Variants in DHX57 observed in about 807,000 individuals in gnomAD.
The protein encoded by DHX57 is DExH-box helicase 57.
DHX57 carries 105 observed loss-of-function variants against 156.2 expected under a neutral mutation model. The ratio of observed to expected loss-of-function variants is 0.67; its 90% confidence interval spans 0.57 to 0.79. The LOEUF is 0.79. Among genes scored for constraint, DHX57 ranks in the 30% least tolerant of loss-of-function variants. The probability of loss-of-function intolerance (pLI) is 0.00; values close to 1 mark genes in which losing one functional copy is unlikely to be tolerated. For missense variants in DHX57, 1,847 were observed against 1,661.9 expected, an observed-to-expected ratio of 1.11 and a Z score of -1.94; for synonymous variants, 704 against 595.6, an observed-to-expected ratio of 1.18 and a Z score of -2.65.
intron 1 of DHX57, among the ~76,000 whole-genome samples, chr2:38,868,802 TTTTATTTATTTATTTA>T (rs35920872): frequency 6.7e-6 from 1 of 150,214 alleles, no homozygotes; most frequent in African/African-American, 2.5e-5. Context: ...TAATTTAGAG[TTTTATTTATTTATTTA>T]TTTATTTATT....
intron 23 of DHX57, among the ~76,000 whole-genome samples, chr2:38,801,986 A>G (rs1669707111): frequency 6.6e-6 from 1 of 152,214 alleles, no homozygotes; most frequent in Non-Finnish European, 1.5e-5. Flanking sequence ...GAATAAATGA[A>G]GAATTCAGAC....
At chr2:38,865,782 C>T (rs1369836594) in intron 2 of DHX57, among the ~76,000 whole-genome samples, 2 of 152,194 alleles carry the variant, frequency 1.3e-5, no homozygotes, top group Non-Finnish European at 2.9e-5. Context: ...AAGACTCACA[C>T]ATTTACATCT....
rs941635773 is a variant in DHX57, at chr2:38,818,308, T to G, written c.3471+569A>C. Among the ~76,000 whole-genome samples, 4 of 152,106 alleles carry G rather than the reference T, an allele frequency of 2.6e-5. No homozygotes were observed. The South Asian group carries it at 6.2e-4, about 24-fold the overall frequency. On this transcript the variant is annotated intron_variant, in intron 19 of 23. Transcript: ENST00000457308. ...TTGGGTGGCCAAGGTGGGCGGATCA[T>G]GAGGTCAGGAGTTCCAGAGCAGCCT...
In DHX57 at chr2:38,808,271, C is replaced by T. The variant is rs1670062854; in HGVS notation, c.3682-1578G>A. Among the ~76,000 whole-genome samples the T allele has an allele frequency of 1.3e-5, 2 of 151,984 alleles. 1 individual carries two copies. Among genetic ancestry groups the T allele is most frequent in the African/African-American group, 4.8e-5 (2 of 41,396 alleles). ...CCCAGCCAGTAAATATCATTTTAAT[C>T]TTCTCTTCCAAATTTATATTTATAT... On this transcript the variant is annotated intron_variant, in intron 21 of 23. Transcript: ENST00000457308.
intron 21 of DHX57, chr2:38,810,665 T>G (rs560044331): frequency 1.5e-6 from 1 of 683,608 alleles, no homozygotes; most frequent in Admixed American, 1.8e-5. Context: ...GACTTGGCAA[T>G]GCAGTGGTGG....
intron 21 of DHX57, chr2:38,810,856 A>G: frequency 1.3e-6 from 1 of 742,550 alleles, no homozygotes; most frequent in Non-Finnish European, 2.4e-6. Context: ...CTTCATTTCA[A>G]TGAAGCGGTT....
chr2:38,804,498 A>C (rs1177076250), intron 22 of DHX57, among the ~76,000 whole-genome samples: 1 of 152,080 alleles, frequency 6.6e-6, no homozygotes. Context: ...TCAATAAATA[A>C]ATAAAATAAA....
At chr2:38,857,846 A>C (rs184870816) in intron 6 of DHX57, among the ~76,000 whole-genome samples, 1 of 152,202 alleles carries the variant, frequency 6.6e-6, no homozygotes, top group Non-Finnish European at 1.5e-5. Context: ...AAACAGGGTA[A>C]AAGTCCTTCC....
chr2:38,856,551 T>C (rs1672910035), intron 6 of DHX57, 90 bp from the exon 7 acceptor site: 18 of 1,460,152 alleles, frequency 1.2e-5, no homozygotes, highest in Non-Finnish European at 1.5e-5. Flanking sequence ...GTTGCCAGGC[T>C]GGAGTGCAGT....
At chr2:38,831,113 G>C (rs1003796203) in intron 13 of DHX57, among the ~76,000 whole-genome samples, 1 of 149,146 alleles carries the variant, frequency 6.7e-6, no homozygotes, top group African/African-American at 2.5e-5. Context: ...TAAGCAAAAA[G>C]AAAAATACAA....
Position 38,798,211 on chromosome 2 carries a change from A to T in DHX57, c.*88T>A. 2 of 1,520,550 alleles carry T rather than the reference A, an allele frequency of 1.3e-6. No individual in the cohort carries two copies. Among genetic ancestry groups the T allele is most frequent in the Non-Finnish European group, 1.8e-6 (2 of 1,134,432 alleles). 94.2% of individuals were successfully genotyped at this position (1,520,550 alleles called of 1,614,324 possible). A position where few individuals can be genotyped will look rare whatever the true frequency, so the allele number is the denominator to read the frequency against. The stretch of plus-strand genomic sequence containing the variant: ...CTCCTCCACCAGGGCCAGCCCCAAT[A>T]GGTCTTTAGTTCGAGGTAGAGGTTC... On this transcript the variant is annotated 3_prime_UTR_variant, in exon 24 of 24. Coordinates refer to ENST00000457308, the MANE Select transcript of DHX57 (RefSeq NM_198963.3).
chr2:38,854,310 A>ATGTT, intron 8 of DHX57, 132 bp from the exon 9 acceptor site: 1 of 827,464 alleles, frequency 1.2e-6, no homozygotes, highest in Non-Finnish European at 1.8e-6. Context: ...ATAGGAAACC[A>ATGTT]TACTAAACAT....
intron 1 of DHX57, among the ~76,000 whole-genome samples, chr2:38,869,362 C>T (rs778614225): frequency 3.3e-5 from 5 of 152,068 alleles, no homozygotes; most frequent in South Asian, 2.1e-4. Context: ...AGGGAGATTA[C>T]AGGATTAAAT....
chr2:38,798,520 T>G (rs917376345), intron 23 of DHX57, 78 bp from the exon 24 acceptor site: 5 of 1,448,282 alleles, frequency 3.5e-6, no homozygotes, highest in African/African-American at 1.4e-5. Context: ...ACCCAAGTTA[T>G]GATTACCATT....
intron 17 of DHX57, among the ~76,000 whole-genome samples, chr2:38,821,154 T>C (rs1384422258): frequency 6.6e-6 from 1 of 151,340 alleles, no homozygotes; most frequent in Non-Finnish European, 1.5e-5. Flanking sequence ...AAAAGGAAAA[T>C]CAGAAAATAC....
chr2:38,811,927 CTTT>C (rs1670269732), intron 21 of DHX57, among the ~76,000 whole-genome samples: 1 of 151,986 alleles, frequency 6.6e-6, no homozygotes, highest in Admixed American at 6.6e-5. Flanking sequence ...CATTCTTTTT[CTTT>C]TTTCTTTTTT....
At chr2:38,834,480 T>A (rs1212754634) in intron 13 of DHX57, among the ~76,000 whole-genome samples, 4 of 152,180 alleles carry the variant, frequency 2.6e-5, no homozygotes, top group Non-Finnish European at 5.9e-5. Flanking sequence ...GTTGTGAGAA[T>A]CGACTTAAAA....
intron 6 of DHX57, 50 bp from the exon 7 acceptor site, chr2:38,856,511 T>C (rs777147307): frequency 9.1e-6 from 14 of 1,543,972 alleles, no homozygotes; most frequent in South Asian, 2.5e-5. Context: ...TTCTTTTTTT[T>C]TTTTTTTTTT....
chr2:38,861,088 G>A lies in DHX57; in HGVS notation c.1322C>T (p.Pro441Leu), dbSNP rs767174053. The change falls in exon 5 of 24, where the codon CCA becomes CTA. Residue 441 changes from proline to leucine, a missense_variant. Transcript: ENST00000457308. Reference sequence around the variant, plus strand: ...ATTTATTCTGGTCCTAGAGGGTACTGGCAGAAAGTTCACAGGAGGGTCACT... The same window carrying A: ...ATTTATTCTGGTCCTAGAGGGTACTAGCAGAAAGTTCACAGGAGGGTCACT... ...KYSDPPVNFL[P>L]VPSRTRINNP... 14 of 1,614,192 alleles carry A rather than the reference G, an allele frequency of 8.7e-6. No individual in the cohort carries two copies. The South Asian group carries it at 1.3e-4, about 15-fold the overall frequency.
Sources: allele counts gnomAD v4.1 joint callset (sites outside exome capture counted in the v4.1 genomes callset), GRCh38; gene constraint gnomAD v4.1.1; transcripts MANE v1.5; gene names NCBI Gene and HGNC (gene_info 2026-07-23, HGNC 2026-07-21).